Variants in DNAH5 observed in about 807,000 individuals in gnomAD.
The protein encoded by DNAH5 is dynein axonemal heavy chain 5.
Under a neutral mutation model 518.2 loss-of-function variants are expected in DNAH5, and 372 were observed. The observed-to-expected ratio is 0.72, with a 90% CI of 0.66 to 0.78. The LOEUF (loss-of-function observed/expected upper bound fraction) is 0.78, where lower values mean the gene tolerates loss of function less well. Among genes scored for constraint, DNAH5 ranks in the 30% least tolerant of loss-of-function variants. The pLI, the probability that DNAH5 is intolerant of heterozygous loss-of-function variation, is 0.00. For synonymous variants in DNAH5, 2,039 were observed against 2,025.9 expected, an observed-to-expected ratio of 1.01 and a Z score of -0.17; for missense variants, 5,523 against 5,687.0, an observed-to-expected ratio of 0.97 and a Z score of 0.93.
chr5:13,935,517 T>G (rs892165697), intron 1 of DNAH5, among the ~76,000 whole-genome samples: 50 of 152,370 alleles, frequency 3.3e-4, no homozygotes, highest in South Asian at 1.4e-3. Flanking sequence ...TTATGTAAAC[T>G]GATTGTTCTA....
chr5:13,700,681 A>G lies in DNAH5; in HGVS notation c.13682T>C (p.Phe4561Ser). ...AATCCTTATGACAGGCATCAACTCAAAGAGCACTTTTGGCTTTGATTCAAT... is the reference window on the plus strand; with the variant it reads ...AATCCTTATGACAGGCATCAACTCAGAGAGCACTTTTGGCTTTGATTCAAT... Reference protein sequence around the residue: ...KLIESKPKVLFELMPVIRIYA... With the variant: ...KLIESKPKVLSELMPVIRIYA... Residue 4561 changes from phenylalanine (F) to serine (S), a missense_variant, in exon 78 of 79, where the codon TTT becomes TCT. Coordinates refer to ENST00000265104, the MANE Select transcript of DNAH5 (RefSeq NM_001369.3). 2 of 1,614,196 alleles carry G rather than the reference A, an allele frequency of 1.2e-6. No homozygotes were observed. The highest frequency in any genetic ancestry group is 1.7e-6 in the Non-Finnish European group (2 of 1,180,012).
In DNAH5 at chr5:13,886,092, T is replaced by C; in HGVS notation, c.2615A>G (p.Lys872Arg). The change falls in exon 18 of 79, where the codon AAA becomes AGA. Residue 872 changes from lysine (K) to arginine (R), a missense_variant. By Grantham distance (26) the Lys-to-Arg change is conservative. Around this residue, in one of 3 missense-constraint regions of DNAH5, gnomAD observed 5,121 missense variants for 5,223.3 expected, o/e 0.98. Coordinates refer to ENST00000265104, the MANE Select transcript of DNAH5 (RefSeq NM_001369.3). ...GACTGCCTCCTCCACTAATGAGCTT[T>C]TAAAATGTAGTATTTGTGCACCATT... is the stretch of plus-strand genomic sequence containing the variant. ...CVNGAQILHF[K>R]SSLVEEAVNE... 6.2e-7 allele frequency: 1 copy of C among 1,607,956 alleles called. No individual in the cohort carries two copies.
At chr5:13,718,293 AAAGT>A (rs1212584157) in intron 72 of DNAH5, among the ~76,000 whole-genome samples, 5 of 152,236 alleles carry the variant, frequency 3.3e-5, no homozygotes, top group African/African-American at 1.2e-4. Context: ...CCAAAAGAAC[AAAGT>A]AATTGTCAAC....
chr5:13,807,326 G>C (rs1291634501), intron 47 of DNAH5, among the ~76,000 whole-genome samples: 1 of 152,176 alleles, frequency 6.6e-6, no homozygotes, highest in Non-Finnish European at 1.5e-5. Flanking sequence ...CGTGTTCACA[G>C]TATTTTCTAC....
intron 35 of DNAH5, among the ~76,000 whole-genome samples, chr5:13,837,773 T>C (rs31246): frequency 0.81 from 120,568 of 148,768 alleles, 49,458 homozygotes; most frequent in African/African-American, 0.93. Flanking sequence ...CATGATCTTG[T>C]CTCACTGCAA....
At chr5:13,959,022 G>A (rs917144225) in intron 1 of DNAH5, among the ~76,000 whole-genome samples, 6 of 152,106 alleles carry the variant, frequency 3.9e-5, no homozygotes, top group East Asian at 1.9e-4. Flanking sequence ...GCAGTGGTGC[G>A]ATCTTGGCTC....
intron 1 of DNAH5, among the ~76,000 whole-genome samples, chr5:13,956,672 C>T (rs1036871464): frequency 2.0e-5 from 3 of 152,220 alleles, no homozygotes; most frequent in Admixed American, 6.5e-5. Flanking sequence ...TGCACTTCTA[C>T]GTTCCTCTAT....
chr5:13,754,208 A>T lies in DNAH5; in HGVS notation c.10550T>A (p.Leu3517His). The stretch of plus-strand genomic sequence containing the variant: ...TAATAAAGAAATTTACATACCTACA[A>T]GTCTTTTAGTTTGTGCAGCAAACTC... ...SQEFAAQTKR[L>H]VGDVLLATAF... The change falls in exon 62 of 79, where the codon CTT becomes CAT. Residue 3517 changes from leucine to histidine, a missense_variant. Physicochemically the swap from Leu to His is moderately conservative, Grantham distance 99. Coordinates refer to ENST00000265104, the MANE Select transcript of DNAH5 (RefSeq NM_001369.3). 6.2e-7 allele frequency: 1 copy of T among 1,614,034 alleles called. No individual in the cohort carries two copies. The highest frequency in any genetic ancestry group is 1.7e-5 in the Admixed American group (1 of 60,018).
rs79248925 is a variant in DNAH5 at position 13,752,003 on chromosome 5, G to C, written c.11028+131C>G. 78 of 942,474 alleles carry C rather than the reference G, an allele frequency of 8.3e-5. No individual in the cohort carries two copies. The East Asian group carries it at 1.8e-3, about 22-fold the overall frequency. 58.4% of individuals were successfully genotyped at this position (942,474 alleles called of 1,614,324 possible). ...TTTTAATCCAAAGTCAAGAAGTGTA[G>C]AAGAGAAAAACAAACCTTTCCCAAG... is the stretch of plus-strand genomic sequence containing the variant. On this transcript the variant is annotated intron_variant, in intron 64 of 78. Coordinates refer to ENST00000265104, the MANE Select transcript of DNAH5 (RefSeq NM_001369.3).
In DNAH5 at chr5:13,841,652, C is replaced by G. The variant is rs775401892; in HGVS notation, c.5484+40G>C. The G allele has an allele frequency of 1.3e-5, 20 of 1,496,186 alleles. No individual in the cohort carries two copies. The South Asian group carries it at 2.3e-4, about 17-fold the overall frequency. 92.7% of individuals were successfully genotyped at this position (1,496,186 alleles called of 1,614,324 possible). On this transcript the variant is annotated intron_variant, in intron 33 of 78. Transcript: ENST00000265104. Reference sequence around the variant, plus strand: ...AGGTAATGTCTGAGACTTAAAATGACTATTTTACAAAACATACTTTCAAAT... The same window carrying G: ...AGGTAATGTCTGAGACTTAAAATGAGTATTTTACAAAACATACTTTCAAAT...
At chr5:13,836,748 T>G (rs114890060) in intron 35 of DNAH5, among the ~76,000 whole-genome samples, 2,035 of 152,314 alleles carry the variant, frequency 0.013, 23 homozygotes, top group Middle Eastern at 0.024. Context: ...ACTTTGCAGA[T>G]GTCATTAATG....
At chr5:13,790,849 A>T (rs775737247) in intron 50 of DNAH5, among the ~76,000 whole-genome samples, 3 of 152,206 alleles carry the variant, frequency 2.0e-5, no homozygotes, top group Non-Finnish European at 4.4e-5. Flanking sequence ...GTTCTCACTT[A>T]TAAGTGGGAG....
intron 58 of DNAH5, among the ~76,000 whole-genome samples, chr5:13,766,562 T>C (rs1304031118): frequency 6.6e-6 from 1 of 152,222 alleles, no homozygotes; most frequent in Non-Finnish European, 1.5e-5. Context: ...TTTTTACTTA[T>C]TAGCTATGTA....
rs199901657 is a variant in DNAH5, at chr5:13,807,673, C to G, written c.7805G>C (p.Gly2602Ala). ...QGTAKTVIIK[G>A]FMSKYDPECH... is the part of the protein sequence containing the mutation. ...TTCAGGATCATATTTTGACATAAAT[C>G]CTTTAATTATTACTGTTTTGGCTGT... The change falls in exon 47 of 79, where the codon GGA becomes GCA. Residue 2602 changes from glycine to alanine, a missense_variant. Gly to Ala is a moderately conservative substitution (Grantham distance 60, BLOSUM62 0). Transcript: ENST00000265104. The G allele has an allele frequency of 6.2e-7, 1 of 1,610,698 alleles. No individual in the cohort carries two copies. The highest frequency in any genetic ancestry group is 8.5e-7 in the Non-Finnish European group (1 of 1,177,846).
Position 13,944,574 on chromosome 5 carries a change from T to A in DNAH5, c.-136A>T. On this transcript the variant is annotated 5_prime_UTR_variant, in exon 1 of 79. The change abolishes an upstream ATG in the 5' untranslated region. Coordinates refer to ENST00000265104, the MANE Select transcript of DNAH5 (RefSeq NM_001369.3). ...TTTACTTTCACGTTTCTAATTTGCA[T>A]GTATTATTCACTACATTCACAGAAT... 1.3e-6 allele frequency: 1 copy of A among 750,272 alleles called. No individual in the cohort carries two copies. Among genetic ancestry groups the A allele is most frequent in the Non-Finnish European group, 2.3e-6 (1 of 430,806 alleles). 46.5% of individuals were successfully genotyped at this position (750,272 alleles called of 1,614,324 possible). A position where few individuals can be genotyped will look rare whatever the true frequency, so the allele number is the denominator to read the frequency against.
chr5:13,710,018 G>A (rs1419202504), intron 75 of DNAH5, among the ~76,000 whole-genome samples: 1 of 152,084 alleles, frequency 6.6e-6, no homozygotes, highest in African/African-American at 2.4e-5. Flanking sequence ...CACAAAAACA[G>A]AGCATTAAAC....
intron 71 of DNAH5, among the ~76,000 whole-genome samples, chr5:13,720,247 T>C (rs942542266): frequency 1.5e-4 from 23 of 152,344 alleles, no homozygotes; most frequent in African/African-American, 5.3e-4. Flanking sequence ...TATCTAAACA[T>C]TACCGTTTGA....
intron 53 of DNAH5, among the ~76,000 whole-genome samples, chr5:13,778,920 T>C (rs182919794): frequency 5.6e-4 from 86 of 152,236 alleles, no homozygotes; most frequent in African/African-American, 1.6e-3. Flanking sequence ...TCTGCCACAG[T>C]GAGAGTGGTG....
rs779825162 is a variant in DNAH5, at chr5:13,920,588, T to C, written c.690A>G (p.Glu230=). Residue 230 remains glutamate (E), a synonymous_variant, in exon 6 of 79, where the codon GAA becomes GAG. Coordinates refer to ENST00000265104, the MANE Select transcript of DNAH5 (RefSeq NM_001369.3). ...CCGTAGGTTCCTTTAGGGTTTTCAG[T>C]TCAAGTATGTCACACTTTCGAAGGT... ...KVNLRKCDIL[E]LKTLKEPTDY... 6.2e-7 allele frequency: 1 copy of C among 1,614,162 alleles called. No individual in the cohort carries two copies. The highest frequency in any genetic ancestry group is 1.7e-5 in the Admixed American group (1 of 60,020).
Sources: allele counts gnomAD v4.1 joint callset (sites outside exome capture counted in the v4.1 genomes callset), GRCh38; gene constraint gnomAD v4.1.1; regional missense constraint gnomAD v4.1.1; transcripts MANE v1.5; gene names NCBI Gene and HGNC (gene_info 2026-07-23, HGNC 2026-07-21).